The following PDZD4 variants were observed in gnomAD, a reference collection of about 807,000 sequenced individuals.
The protein encoded by PDZD4 is PDZ domain containing 4.
Under a neutral mutation model 38.5 loss-of-function variants are expected in PDZD4, and 9 were observed. That is an observed-to-expected ratio of 0.23 (90% confidence interval 0.14 to 0.41). The LOEUF (loss-of-function observed/expected upper bound fraction) is 0.41, where lower values mean the gene tolerates loss of function less well. PDZD4 is among the 10% of genes least tolerant of loss of function. The pLI, the probability that PDZD4 is intolerant of heterozygous loss-of-function variation, is 1.00. For missense variants in PDZD4, 612 were observed against 722.0 expected (o/e 0.85, Z 1.75); for synonymous variants, 349 against 315.7 (o/e 1.11, Z -1.12).
At chrX:153,825,691 C>T (rs1348787420) in intron 1 of PDZD4, among the ~76,000 whole-genome samples, 3 of 112,437 alleles carry the variant, frequency 2.7e-5, no homozygotes, top group Admixed American at 9.4e-5. Context: ...GCCACAGAAG[C>T]AGCACTGCAC....
At chrX:153,807,989 A>C in intron 2 of PDZD4, 1 of 1,005,692 alleles carries the variant, frequency 9.9e-7, no homozygotes, top group Non-Finnish European at 1.3e-6. Context: ...CAGAGCAGGT[A>C]GAGGAATGAG....
Position 153,830,467 on chromosome X carries a change from C to G in PDZD4, c.-169G>C. ...CGCCCCCGAGGTGGGGGCAGCGGCT[C>G]GCCCCTCAGGTTAACTCTTCGCTGG... On this transcript the variant is annotated 5_prime_UTR_variant, in exon 1 of 8. Transcript: ENST00000393758. The G allele has an allele frequency of 2.5e-6, 1 of 400,507 alleles. No homozygotes were observed. The highest frequency in any genetic ancestry group is 4.3e-6 in the Non-Finnish European group (1 of 231,338). The allele number at this position is 400,507 out of a possible 1,213,427, so 33.0% of individuals were successfully genotyped here.
chrX:153,812,616 T>C (rs1398210579), intron 1 of PDZD4, among the ~76,000 whole-genome samples: 2 of 110,671 alleles, frequency 1.8e-5, no homozygotes, highest in Non-Finnish European at 3.8e-5. Context: ...TCGCTCTCTC[T>C]CTCTCTCCTC....
At chrX:153,805,409 G>T in intron 6 of PDZD4, 96 bp downstream of exon 6, 1 of 331,712 alleles carries the variant, frequency 3.0e-6, no homozygotes. Flanking sequence ...ATCAACTCCA[G>T]GTCGTTGGCA....
intron 1 of PDZD4, among the ~76,000 whole-genome samples, chrX:153,819,511 T>TG (rs368871180): frequency 1.3e-3 from 138 of 110,192 alleles, no homozygotes; most frequent in African/African-American, 4.5e-3. Context: ...GCCACGGAGG[T>TG]GGGGGGGCTG....
intron 5 of PDZD4, 49 bp from the exon 6 acceptor site, chrX:153,805,655 G>T: frequency 9.3e-7 from 1 of 1,075,509 alleles, no homozygotes; most frequent in Non-Finnish European, 1.3e-6. Flanking sequence ...CTGGCCCTGG[G>T]GCGGACCCTG....
Position 153,830,356 on chromosome X carries a change from C to G in PDZD4, c.-58G>C. ...GAACGGGAAGACGCCTTTCACTGAC[C>G]CGGGCGCGGGACCTCGGGTCCCGGG... On this transcript the variant is annotated 5_prime_UTR_variant, in exon 1 of 8. Transcript: ENST00000393758. 1.8e-6 allele frequency: 2 copies of G among 1,125,767 alleles called. No homozygotes were observed. The highest frequency in any genetic ancestry group is 3.1e-5 in the East Asian group (1 of 31,889). The allele number at this position is 1,125,767 out of a possible 1,213,427, so 92.8% of individuals were successfully genotyped here. A position where few individuals can be genotyped will look rare whatever the true frequency, so the allele number is the denominator to read the frequency against.
Position 153,804,797 on chromosome X carries a change from T to C in PDZD4, c.884A>G (p.Asn295Ser). 1 of 1,211,529 alleles carries C rather than the reference T, an allele frequency of 8.3e-7. No individual in the cohort carries two copies. The highest frequency in any genetic ancestry group is 1.1e-6 in the Non-Finnish European group (1 of 895,610). ...CAGGTCGTGCTCAGAGCTCTCTTCG[T>C]TCCGGGTGCTCTCGTCAGTCCGGCC... The part of the protein sequence containing the change: ...GVGRTDESTR[N>S]EESSEHDLLG... The change falls in exon 8 of 8, where the codon AAC becomes AGC. Residue 295 changes from asparagine (N) to serine (S), a missense_variant. Physicochemically the swap from Asn to Ser is conservative, Grantham distance 46. Around this residue, in one of 3 missense-constraint regions of PDZD4, gnomAD observed 225 missense variants for 311.0 expected, o/e 0.72. Transcript: ENST00000393758.
chrX:153,815,742 G>T (rs926213267), intron 1 of PDZD4, among the ~76,000 whole-genome samples: 2 of 106,024 alleles, frequency 1.9e-5, no homozygotes, highest in Admixed American at 2.0e-4. Flanking sequence ...CCTTCCCCAG[G>T]GAACCCTGGG....
chrX:153,814,480 A>ACCCCCCCC (rs35283380), intron 1 of PDZD4, among the ~76,000 whole-genome samples: 273 of 53,492 alleles, frequency 5.1e-3, no homozygotes, highest in Middle Eastern at 0.013. Context: ...TCCACCCCCC[A>ACCCCCCCC]CCCCCCCCCC....
chrX:153,823,336 A>C (rs1359267614), intron 1 of PDZD4, among the ~76,000 whole-genome samples: 2 of 110,134 alleles, frequency 1.8e-5, no homozygotes, highest in Admixed American at 1.9e-4. Context: ...CTCCTGCCTC[A>C]GCCTCCCGCG....
intron 6 of PDZD4, 104 bp downstream of exon 6, chrX:153,805,401 C>A: frequency 2.8e-6 from 1 of 351,189 alleles, no homozygotes; most frequent in Non-Finnish European, 5.2e-6. Flanking sequence ...CGCCCTCCAT[C>A]AACTCCAGGT....
Position 153,804,195 on chromosome X carries a change from T to C in PDZD4, c.1486A>G (p.Ser496Gly), listed in dbSNP as rs782133596. Residue 496 changes from serine (S) to glycine (G), a missense_variant, in exon 8 of 8, where the codon AGC becomes GGC. By Grantham distance (56) the Ser-to-Gly change is moderately conservative (BLOSUM62 0). This residue lies in a region of PDZD4 where 300 missense variants were observed against 284.6 expected (regional missense o/e 1.05). Coordinates refer to ENST00000393758, the MANE Select transcript of PDZD4 (RefSeq NM_001303512.2). Reference sequence around the variant, plus strand: ...CCGGCCATGGCCCGCCGCAGGGGGCTCTCGGGCAGGGGCTCCACAAGCAGC... The same window carrying C: ...CCGGCCATGGCCCGCCGCAGGGGGCCCTCGGGCAGGGGCTCCACAAGCAGC... ...TPLLVEPLPE[S>G]PLRRAMAGNS... 1 of 1,198,432 alleles carries C rather than the reference T, an allele frequency of 8.3e-7. No homozygotes were observed. Among genetic ancestry groups the C allele is most frequent in the Admixed American group, 2.2e-5 (1 of 45,121 alleles).
At chrX:153,828,781 A>C (rs1388800223) in intron 1 of PDZD4, among the ~76,000 whole-genome samples, 2 of 112,000 alleles carry the variant, frequency 1.8e-5, no homozygotes, top group Non-Finnish European at 3.8e-5. Flanking sequence ...TTGCCGTTTG[A>C]TGGAATGACT....
intron 1 of PDZD4, among the ~76,000 whole-genome samples, chrX:153,816,533 C>G (rs2064364622): frequency 9.0e-6 from 1 of 110,800 alleles, no homozygotes; most frequent in African/African-American, 3.3e-5. Flanking sequence ...CCCACCTGCC[C>G]TGGACAGGGT....
At chrX:153,823,755 T>A (rs1477529401) in intron 1 of PDZD4, among the ~76,000 whole-genome samples, 1 of 112,315 alleles carries the variant, frequency 8.9e-6, no homozygotes, top group Non-Finnish European at 1.9e-5. Flanking sequence ...CTTGTCACAA[T>A]GGCCCTCGGA....
intron 1 of PDZD4, among the ~76,000 whole-genome samples, chrX:153,826,807 T>C (rs1557082620): frequency 8.9e-6 from 1 of 111,946 alleles, no homozygotes; most frequent in Non-Finnish European, 1.9e-5. Context: ...AAAATACTCA[T>C]GAATAAACTT....
At chrX:153,829,583 G>T in intron 1 of PDZD4, 1 of 370,194 alleles carries the variant, frequency 2.7e-6, no homozygotes, top group Admixed American at 8.9e-5. Flanking sequence ...CCCCGTTCCG[G>T]GCCGCGGGGC....
At chrX:153,808,091 C>G (rs1459531567) in intron 2 of PDZD4, 3 of 1,064,353 alleles carry the variant, frequency 2.8e-6, no homozygotes, top group East Asian at 3.6e-5. Flanking sequence ...GCCCTCAACC[C>G]TGGCACTTCC....
Sources: gnomAD v4.1 joint callset for allele counts (sites outside exome capture counted in the v4.1 genomes callset) on GRCh38, gnomAD v4.1.1 for gene constraint, gnomAD v4.1.1 regional missense constraint, MANE v1.5 for transcripts, NCBI Gene and HGNC (gene_info 2026-07-23, HGNC 2026-07-21) for gene names.